KIZ: variants seen among roughly 807,000 people sequenced by gnomAD.
The protein encoded by KIZ is centrosomal protein kizuna.
In KIZ, 68 loss-of-function variants were observed where a neutral mutation model predicts 79.6. The observed-to-expected ratio is 0.85, with a 90% CI of 0.70 to 1.05. The LOEUF is 1.05. KIZ is among the 50% of genes least tolerant of loss of function. The pLI, the probability that KIZ is intolerant of heterozygous loss-of-function variation, is 0.00. For missense variants in KIZ, 797 were observed against 800.4 expected (o/e 1.00, Z 0.05); for synonymous variants, 280 against 281.8 (o/e 0.99, Z 0.06).
chr20:21,163,321 CCTT>C (rs1171526783), intron 6 of KIZ, among the ~76,000 whole-genome samples, 162 bp downstream of exon 6: 2 of 152,084 alleles, frequency 1.3e-5, no homozygotes. Flanking sequence ...TTCTTTCTGT[CCTT>C]CTTTCTTCTT....
At chr20:21,238,856 C>T (rs1360411611) in intron 11 of KIZ, among the ~76,000 whole-genome samples, 1 of 152,220 alleles carries the variant, frequency 6.6e-6, no homozygotes, top group African/African-American at 2.4e-5. Flanking sequence ...GTTTCCCTGT[C>T]TCTTCCCATT....
At chr20:21,173,577 C>CAAAAA (rs749330317) in intron 6 of KIZ, among the ~76,000 whole-genome samples, 1 of 37,306 alleles carries the variant, frequency 2.7e-5, no homozygotes, top group Non-Finnish European at 6.8e-5. Context: ...GATGCCGTCT[C>CAAAAA]AAAAAAAAAA....
At chr20:21,169,673 C>T (rs1179279652) in intron 6 of KIZ, among the ~76,000 whole-genome samples, 1 of 152,176 alleles carries the variant, frequency 6.6e-6, no homozygotes, top group Non-Finnish European at 1.5e-5. Flanking sequence ...AGACTTGGAA[C>T]CAACCCAAAA....
intron 3 of KIZ, among the ~76,000 whole-genome samples, chr20:21,137,901 A>G (rs560833985): frequency 6.6e-6 from 1 of 152,120 alleles, no homozygotes; most frequent in East Asian, 1.9e-4. Context: ...CTCAGCCTCA[A>G]GCTGGGACTA....
intron 6 of KIZ, chr20:21,194,426 CAT>C (rs2035250766): frequency 6.6e-6 from 1 of 152,184 alleles, no homozygotes; most frequent in Non-Finnish European, 1.5e-5. Context: ...TTCTATAACA[CAT>C]AGTCTTTAAT....
chr20:21,226,973 C>T (rs1376890371), intron 9 of KIZ, among the ~76,000 whole-genome samples: 1 of 152,104 alleles, frequency 6.6e-6, no homozygotes, highest in Non-Finnish European at 1.5e-5. Flanking sequence ...TAGCCAAAAG[C>T]TCCTGAGCCC....
chr20:21,168,191 A>T (rs890278445), intron 6 of KIZ, among the ~76,000 whole-genome samples: 4 of 152,106 alleles, frequency 2.6e-5, no homozygotes, highest in Non-Finnish European at 5.9e-5. Flanking sequence ...TGTCCTTGCG[A>T]TAATTTGCTG....
chr20:21,238,350 A>AGTGTGTGTGTGT (rs1423366763), intron 11 of KIZ, among the ~76,000 whole-genome samples: 128 of 79,404 alleles, frequency 1.6e-3, no homozygotes, highest in African/African-American at 4.0e-3. Context: ...AGAGAGAGAG[A>AGTGTGTGTGTGT]GAGTGTGTGT....
chr20:21,200,140 C>T (rs555241935), intron 6 of KIZ, among the ~76,000 whole-genome samples: 18 of 152,234 alleles, frequency 1.2e-4, no homozygotes, highest in African/African-American at 4.1e-4. Context: ...GAATTCTAAT[C>T]CAGGCAGGAA....
At chr20:21,159,700 TCTC>T (rs2122655852) in intron 4 of KIZ, among the ~76,000 whole-genome samples, 1 of 152,378 alleles carries the variant, frequency 6.6e-6, no homozygotes, top group South Asian at 2.1e-4. Flanking sequence ...CAGTAATTCA[TCTC>T]TTTTCATGGC....
Position 21,132,129 on chromosome 20 carries a change from T to A in KIZ, c.122T>A (p.Leu41His). ...EKKRLDLEKK[L>H]YEYNQSDTCR... is the part of the protein sequence containing the mutation. ...AAGAGATTGGACCTGGAAAAGAAAC[T>A]TTATGAATATAATCAGTCTGATACA... The change falls in exon 2 of 13, where the codon CTT (leucine) becomes CAT (histidine). Residue 41 changes from leucine to histidine, a missense_variant. Transcript: ENST00000619189. 2 of 1,470,372 alleles carry A rather than the reference T, an allele frequency of 1.4e-6. No individual in the cohort carries two copies. Among genetic ancestry groups the A allele is most frequent in the African/African-American group, 2.8e-5 (2 of 71,398 alleles). The allele number at this position is 1,470,372 out of a possible 1,614,324, so 91.1% of individuals were successfully genotyped here. A position where few individuals can be genotyped will look rare whatever the true frequency, so the allele number is the denominator to read the frequency against.
intron 6 of KIZ, among the ~76,000 whole-genome samples, chr20:21,184,223 C>T (rs1273469406): frequency 6.6e-6 from 1 of 151,160 alleles, no homozygotes; most frequent in Non-Finnish European, 1.5e-5. Context: ...TCTCAGATCA[C>T]TGCAACCTCT....
At chr20:21,242,183 G>A (rs1355972862) in intron 11 of KIZ, among the ~76,000 whole-genome samples, 1 of 152,164 alleles carries the variant, frequency 6.6e-6, no homozygotes, top group Non-Finnish European at 1.5e-5. Flanking sequence ...CTGCACAAGT[G>A]GATGTGAAAC....
intron 6 of KIZ, among the ~76,000 whole-genome samples, chr20:21,179,691 G>GT (rs1195291459): frequency 2.6e-5 from 4 of 151,978 alleles, no homozygotes; most frequent in Non-Finnish European, 5.9e-5. Context: ...CTTTTTAAAT[G>GT]TAAGTTTTTA....
intron 6 of KIZ, among the ~76,000 whole-genome samples, chr20:21,182,078 T>G (rs527493024): frequency 7.2e-5 from 11 of 152,326 alleles, no homozygotes; most frequent in Admixed American, 7.2e-4. Context: ...GACTAAATGT[T>G]TGTGTCCCTC....
intron 1 of KIZ, among the ~76,000 whole-genome samples, chr20:21,129,049 T>C (rs757747427): frequency 5.9e-5 from 9 of 151,998 alleles, no homozygotes; most frequent in Non-Finnish European, 1.3e-4. Context: ...AGATTCTGAA[T>C]AGAGATTTAA....
intron 9 of KIZ, among the ~76,000 whole-genome samples, chr20:21,228,663 C>T (rs1370387278): frequency 6.6e-6 from 1 of 152,114 alleles, no homozygotes; most frequent in Non-Finnish European, 1.5e-5. Context: ...ACCTGACCAC[C>T]TAGGAAGACT....
intron 6 of KIZ, among the ~76,000 whole-genome samples, chr20:21,199,323 C>A (rs1003246870): frequency 2.0e-5 from 3 of 152,156 alleles, no homozygotes; most frequent in African/African-American, 7.2e-5. Flanking sequence ...TTCTTTATGA[C>A]CACCACAAAT....
chr20:21,163,514 T>C (rs2033793177), intron 6 of KIZ, among the ~76,000 whole-genome samples: 1 of 152,222 alleles, frequency 6.6e-6, no homozygotes, highest in Non-Finnish European at 1.5e-5. Context: ...GAAGTTTTGG[T>C]ACCACAGAAG....
Sources: gnomAD v4.1 joint callset for allele counts (sites outside exome capture counted in the v4.1 genomes callset) on GRCh38, gnomAD v4.1.1 for gene constraint, MANE v1.5 for transcripts, NCBI Gene and HGNC (gene_info 2026-07-23, HGNC 2026-07-21) for gene names.